Variants in RAB11FIP3 observed in about 807,000 individuals in gnomAD.
The protein encoded by RAB11FIP3 is rab11 family-interacting protein 3.
Under a neutral mutation model 77.8 loss-of-function variants are expected in RAB11FIP3, and 17 were observed. The ratio of observed to expected loss-of-function variants is 0.22; its 90% CI spans 0.15 to 0.33. The LOEUF (loss-of-function observed/expected upper bound fraction) is 0.33, where lower values mean the gene tolerates loss of function less well. Ranked by LOEUF, RAB11FIP3 falls within the 10% of genes least tolerant of loss-of-function variation. RAB11FIP3 has a pLI of 1.00. For synonymous variants in RAB11FIP3, 437 were observed against 448.2 expected (o/e 0.98, Z 0.31); for missense variants, 1,005 against 1,011.2 (o/e 0.99, Z 0.08).
Position 461,297 on chromosome 16 carries a change from C to A in RAB11FIP3, c.715-107C>A. Reference sequence around the variant, plus strand: ...GCTCCCTCACCTCCTGCTGTGCTTCCCCGTTCCCAGCAGGCCACACACCAG... The same window carrying A: ...GCTCCCTCACCTCCTGCTGTGCTTCACCGTTCCCAGCAGGCCACACACCAG... On this transcript the variant is annotated intron_variant, in intron 1 of 13. Coordinates refer to ENST00000262305, the MANE Select transcript of RAB11FIP3 (RefSeq NM_014700.4). The surrounding 1 kb of genome is among the most constrained non-coding windows in gnomAD (Gnocchi z 4.5). 1 of 770,668 alleles carries A rather than the reference C, an allele frequency of 1.3e-6. No individual in the cohort carries two copies. Among genetic ancestry groups the A allele is most frequent in the African/African-American group, 1.8e-5 (1 of 55,890 alleles). 47.7% of individuals were successfully genotyped at this position (770,668 alleles called of 1,614,324 possible).
rs1596306289 is a variant in RAB11FIP3 at position 520,940 on chromosome 16, A to G, written c.*101A>G. 2.1e-6 allele frequency: 2 copies of G among 971,304 alleles called. No homozygotes were observed. Among genetic ancestry groups the G allele is most frequent in the East Asian group, 2.4e-5 (1 of 40,854 alleles). 60.2% of individuals were successfully genotyped at this position (971,304 alleles called of 1,614,324 possible). ...AAGACCAGCAGGTCCCACAGCCGAC[A>G]GTGCCCAGAGCATGCAGGGAACCCT... On this transcript the variant is annotated 3_prime_UTR_variant, in exon 14 of 14. Coordinates refer to ENST00000262305, the MANE Select transcript of RAB11FIP3 (RefSeq NM_014700.4).
intron 5 of RAB11FIP3, chr16:491,417 GCT>G: frequency 2.6e-6 from 2 of 780,702 alleles, no homozygotes; most frequent in Non-Finnish European, 3.5e-6. Context: ...CACCCTGCAC[GCT>G]GTGGGGCCAC....
intron 2 of RAB11FIP3, among the ~76,000 whole-genome samples, chr16:470,223 C>G (rs975777703): frequency 3.3e-5 from 5 of 152,080 alleles, no homozygotes; most frequent in Non-Finnish European, 4.4e-5. Flanking sequence ...GTCTTGAACT[C>G]CTGACCTCAA....
At chr16:483,444 T>A (rs1219261306) in intron 4 of RAB11FIP3, among the ~76,000 whole-genome samples, 2 of 152,178 alleles carry the variant, frequency 1.3e-5, no homozygotes, top group Non-Finnish European at 2.9e-5. Context: ...CTGACCAGCA[T>A]TCACATTAAA....
Position 505,633 on chromosome 16 carries a change from C to T in RAB11FIP3, c.1499+6C>T. 1 of 1,588,030 alleles carries T rather than the reference C, an allele frequency of 6.3e-7. No individual in the cohort carries two copies. Among genetic ancestry groups the T allele is most frequent in the Non-Finnish European group, 8.5e-7 (1 of 1,173,956 alleles). On this transcript the variant is annotated splice_donor_region_variant and intron_variant, in intron 8 of 13. Transcript: ENST00000262305. This position sits in a 1 kb window ranked among gnomAD's most constrained non-coding sequence, Gnocchi z 4.0. ...AACCTGCAGCTGGTGCACAGGTGAG[C>T]CTGGGCCAGGAGACCCGGGCCTCTG... is the stretch of plus-strand genomic sequence containing the variant.
chr16:466,981 T>G (rs1434132298), intron 2 of RAB11FIP3, among the ~76,000 whole-genome samples: 1 of 152,150 alleles, frequency 6.6e-6, no homozygotes, highest in African/African-American at 2.4e-5. Flanking sequence ...GGCTGGCACC[T>G]GTGAGGACCA....
chr16:492,200 CTCT>C (rs1410815171), intron 5 of RAB11FIP3, among the ~76,000 whole-genome samples: 10 of 152,326 alleles, frequency 6.6e-5, no homozygotes, highest in Non-Finnish European at 1.3e-4. Flanking sequence ...GGGCACTTAA[CTCT>C]TCTTATGTTC....
intron 6 of RAB11FIP3, among the ~76,000 whole-genome samples, chr16:502,452 G>A (rs530558896): frequency 2.0e-5 from 3 of 152,254 alleles, no homozygotes; most frequent in East Asian, 3.9e-4. Context: ...GGACTCGGTC[G>A]GACCAGTTTC....
chr16:506,536 T>C lies in RAB11FIP3; in HGVS notation c.1499+909T>C, dbSNP rs1315448588. Among the ~76,000 whole-genome samples the C allele has an allele frequency of 6.6e-6, 1 of 152,170 alleles. No homozygotes were observed. Among genetic ancestry groups the C allele is most frequent in the Non-Finnish European group, 1.5e-5 (1 of 68,034 alleles). The stretch of plus-strand genomic sequence containing the variant: ...GAAGCTTCAGTGTCTTCATCACCAC[T>C]GAGCAGGTAGATTCAGGGCTCTGAG... On this transcript the variant is annotated intron_variant, in intron 8 of 13. Coordinates refer to ENST00000262305, the MANE Select transcript of RAB11FIP3 (RefSeq NM_014700.4). The surrounding 1 kb of genome is among the most constrained non-coding windows in gnomAD (Gnocchi z 4.5).
intron 5 of RAB11FIP3, among the ~76,000 whole-genome samples, chr16:495,667 C>T (rs1871892574): frequency 6.6e-6 from 1 of 152,210 alleles, no homozygotes; most frequent in Admixed American, 6.5e-5. Context: ...AGCTCTGTTT[C>T]TACAGGGCAA....
At chr16:489,148 A>G (rs1266110228) in intron 5 of RAB11FIP3, 148 bp downstream of exon 5, 1 of 935,460 alleles carries the variant, frequency 1.1e-6, no homozygotes, top group Non-Finnish European at 1.5e-6. Flanking sequence ...AACATTTTAA[A>G]TTTATACCTG....
In RAB11FIP3 at chr16:464,594, A is replaced by T. The variant is rs868392856; in HGVS notation, c.808+3097A>T. 8.5e-5 allele frequency among the ~76,000 whole-genome samples: 13 copies of T among 152,200 alleles called. 1 individual carries two copies. The Middle Eastern group carries it at 0.01, about 119-fold the overall frequency. ...TTCTAGGTGTAAATTTTTTCCTCTT[A>T]GTTTGAAAAATCCATTATGGGCCAG... On this transcript the variant is annotated intron_variant, in intron 2 of 13. Coordinates refer to ENST00000262305, the MANE Select transcript of RAB11FIP3 (RefSeq NM_014700.4).
chr16:492,361 C>CCCGGGAGACCCGAGGCCG lies in RAB11FIP3; in HGVS notation c.1265+3361_1265+3362insCCGGGAGACCCGAGGCCG, dbSNP rs1567391768. Among the ~76,000 whole-genome samples the CCCGGGAGACCCGAGGCCG allele has an allele frequency of 1.0e-4, 14 of 139,256 alleles. 1 individual carries two copies. Among genetic ancestry groups the CCCGGGAGACCCGAGGCCG allele is most frequent in the African/African-American group, 3.3e-4 (12 of 36,374 alleles). 91.4% of individuals were successfully genotyped at this position (139,256 alleles called of 152,430 possible). A position where few individuals can be genotyped will look rare whatever the true frequency, so the allele number is the denominator to read the frequency against. On this transcript the variant is annotated intron_variant, in intron 5 of 13. Coordinates refer to ENST00000262305, the MANE Select transcript of RAB11FIP3 (RefSeq NM_014700.4). ...AGCAGAAGTGCTCTTTGAAGAGGGT[C>CCCGGGAGACCCGAGGCCG]TTCCCGGGAGACCCGAGGCCGCCCA...
chr16:518,844 C>G, intron 9 of RAB11FIP3, 99 bp from the exon 10 acceptor site: 2 of 1,255,614 alleles, frequency 1.6e-6, no homozygotes, highest in Non-Finnish European at 2.3e-6. Context: ...CTGTTGGTCA[C>G]AGGGCGGCCC....
Position 471,228 on chromosome 16 carries a change from G to T in RAB11FIP3, c.809-67G>T, listed in dbSNP as rs2055802408. On this transcript the variant is annotated intron_variant, in intron 2 of 13. Coordinates refer to ENST00000262305, the MANE Select transcript of RAB11FIP3 (RefSeq NM_014700.4). The surrounding 1 kb of genome is among the most constrained non-coding windows in gnomAD (Gnocchi z 4.4). ...GGCCTCCTTCCCAGGGAGTCCCGAG[G>T]CCGCCAGGGGTCCCGTCACTGGGTG... is the stretch of plus-strand genomic sequence containing the variant. 1 of 1,420,428 alleles carries T rather than the reference G, an allele frequency of 7.0e-7. No homozygotes were observed. Among genetic ancestry groups the T allele is most frequent in the Non-Finnish European group, 9.9e-7 (1 of 1,013,224 alleles). The allele number at this position is 1,420,428 out of a possible 1,614,324, so 88.0% of individuals were successfully genotyped here.
chr16:484,857 C>T (rs1190569622), intron 4 of RAB11FIP3, among the ~76,000 whole-genome samples: 2 of 152,106 alleles, frequency 1.3e-5, no homozygotes, highest in African/African-American at 2.4e-5. Flanking sequence ...ATCGGGAGCA[C>T]GTCCCTTCAG....
intron 4 of RAB11FIP3, among the ~76,000 whole-genome samples, chr16:483,559 C>T (rs1440147829): frequency 6.6e-6 from 1 of 152,178 alleles, no homozygotes; most frequent in South Asian, 2.1e-4. Flanking sequence ...TGAAAGAAAT[C>T]CGAGTATTTT....
In RAB11FIP3 at chr16:426,598, G is replaced by A. The variant is rs755764775; in HGVS notation, c.592G>A (p.Val198Met). The change falls in exon 1 of 14, where the codon GTG becomes ATG. Residue 198 changes from valine to methionine, a missense_variant. This residue lies in a region of RAB11FIP3 where 466 missense variants were observed against 408.3 expected (regional missense o/e 1.14). Transcript: ENST00000262305. This position sits in a 1 kb window ranked among gnomAD's most constrained non-coding sequence, Gnocchi z 5.0. ...SQTHPLPSEP[V>M]GSQEDGPRLR... The stretch of plus-strand genomic sequence containing the variant: ...GACCCACCCCCTTCCGAGCGAGCCC[G>A]TGGGGAGTCAGGAGGACGGCCCCCG... The A allele has an allele frequency of 1.1e-5, 18 of 1,598,000 alleles. No homozygotes were observed. The South Asian group carries it at 1.9e-4, about 17-fold the overall frequency.
intron 3 of RAB11FIP3, among the ~76,000 whole-genome samples, chr16:475,940 T>G (rs1309168437): frequency 6.6e-6 from 1 of 152,094 alleles, no homozygotes; most frequent in East Asian, 1.9e-4. Context: ...CACTGCAACC[T>G]CCACCTCCCA....
Sources: allele counts gnomAD v4.1 joint callset (sites outside exome capture counted in the v4.1 genomes callset), GRCh38; gene constraint gnomAD v4.1.1; regional missense constraint gnomAD v4.1.1; non-coding constraint Gnocchi (gnomAD v3.1); transcripts MANE v1.5; gene names NCBI Gene and HGNC (gene_info 2026-07-23, HGNC 2026-07-21).